Variants in EDIL3 observed in about 807,000 individuals in gnomAD.
EDIL3 encodes the protein EGF like and discoidin domains 3.
Under a neutral mutation model 67.4 loss-of-function variants are expected in EDIL3, and 37 were observed. The observed-to-expected ratio is 0.55, with a 90% CI of 0.42 to 0.72. EDIL3 has a LOEUF of 0.72. Ranked by LOEUF, EDIL3 falls within the 30% of genes least tolerant of loss-of-function variation. The pLI, the probability that EDIL3 is intolerant of heterozygous loss-of-function variation, is 0.00. For synonymous variants in EDIL3, 195 were observed against 196.3 expected (o/e 0.99, Z 0.05); for missense variants, 527 against 586.3 (o/e 0.90, Z 1.04).
chr5:84,066,041 G>A (rs943797815), intron 7 of EDIL3, among the ~76,000 whole-genome samples: 1 of 151,516 alleles, frequency 6.6e-6, no homozygotes, highest in African/African-American at 2.4e-5. Context: ...GGTGAACCTG[G>A]GAGGCAGAGT....
chr5:84,032,021 T>C (rs1745934033), intron 9 of EDIL3, among the ~76,000 whole-genome samples: 1 of 152,230 alleles, frequency 6.6e-6, no homozygotes, highest in East Asian at 1.9e-4. Context: ...TATGGAAGAG[T>C]TTCTCAGAAA....
rs201931556 is a variant in EDIL3 at position 84,205,241 on chromosome 5, CAT to C, written c.226+24612_226+24613del. ...AAAATAAATAGTAACTTTCTAATAA[CAT>C]ATATATATATACCTATATGTTTGTA... On this transcript the variant is annotated intron_variant, in intron 3 of 10. Transcript: ENST00000296591. Among the ~76,000 whole-genome samples the C allele has an allele frequency of 4.6e-5, 7 of 151,562 alleles. No homozygotes were observed. In the South Asian group the frequency reaches 1.3e-3, roughly 27 times the overall value.
chr5:84,084,958 C>A (rs1188059392), intron 6 of EDIL3, among the ~76,000 whole-genome samples: 1 of 152,152 alleles, frequency 6.6e-6, no homozygotes, highest in Non-Finnish European at 1.5e-5. Context: ...ATTCACCTTG[C>A]ATTGTAATTT....
At chr5:84,070,844 A>C (rs943600799) in intron 6 of EDIL3, among the ~76,000 whole-genome samples, 2 of 152,148 alleles carry the variant, frequency 1.3e-5, no homozygotes, top group Non-Finnish European at 2.9e-5. Context: ...TGTAAGTGGA[A>C]ATTTGAGATC....
chr5:84,377,358 G>T (rs911886105), intron 1 of EDIL3, among the ~76,000 whole-genome samples: 1 of 150,356 alleles, frequency 6.7e-6, no homozygotes, highest in South Asian at 2.1e-4. Context: ...ACAGACCTAA[G>T]GCTCAGGCCT....
intron 1 of EDIL3, among the ~76,000 whole-genome samples, chr5:84,309,874 G>A (rs1395607068): frequency 6.6e-6 from 1 of 152,134 alleles, no homozygotes; most frequent in Non-Finnish European, 1.5e-5. Flanking sequence ...GGATGGCTGG[G>A]TCAAATGGTA....
intron 6 of EDIL3, among the ~76,000 whole-genome samples, chr5:84,088,525 T>G (rs1747110584): frequency 6.6e-6 from 1 of 152,182 alleles, no homozygotes; most frequent in Admixed American, 6.5e-5. Context: ...ACTTCTAAAA[T>G]TCAGTACTTC....
At chr5:84,235,360 TG>T (rs1408805795) in intron 2 of EDIL3, among the ~76,000 whole-genome samples, 1 of 152,148 alleles carries the variant, frequency 6.6e-6, no homozygotes, top group Non-Finnish European at 1.5e-5. Context: ...GCATAGAAAA[TG>T]CTTGAATAAT....
intron 3 of EDIL3, chr5:84,196,916 G>A (rs1743721291): frequency 6.6e-6 from 1 of 151,964 alleles, no homozygotes; most frequent in Non-Finnish European, 1.5e-5. Flanking sequence ...ACTAAGATTG[G>A]AATGATACAG....
intron 1 of EDIL3, among the ~76,000 whole-genome samples, chr5:84,257,051 C>G (rs1290556542): frequency 6.6e-6 from 1 of 152,194 alleles, no homozygotes; most frequent in African/African-American, 2.4e-5. Context: ...AGATCCCACT[C>G]TGTCCTATAA....
intron 4 of EDIL3, among the ~76,000 whole-genome samples, chr5:84,137,777 A>G (rs1935818082): frequency 6.6e-6 from 1 of 152,192 alleles, no homozygotes; most frequent in Admixed American, 6.5e-5. Context: ...AATTCATTAC[A>G]ATTCTAACTG....
chr5:84,061,897 A>G (rs568722655), intron 8 of EDIL3, among the ~76,000 whole-genome samples: 44 of 152,248 alleles, frequency 2.9e-4, no homozygotes, highest in Non-Finnish European at 4.4e-4. Context: ...AGTCTAAACT[A>G]TAAAAGAGGT....
intron 6 of EDIL3, among the ~76,000 whole-genome samples, chr5:84,090,743 C>G (rs1747150722): frequency 6.6e-6 from 1 of 151,768 alleles, no homozygotes; most frequent in Non-Finnish European, 1.5e-5. Context: ...CTCAAGAGAC[C>G]GAGACCATCC....
chr5:84,079,296 T>C (rs1440043853), intron 6 of EDIL3, among the ~76,000 whole-genome samples: 1 of 152,076 alleles, frequency 6.6e-6, no homozygotes, highest in Non-Finnish European at 1.5e-5. Flanking sequence ...TAGCAAATTA[T>C]TTGAACCCAG....
At chr5:84,376,081 G>A (rs964912324) in intron 1 of EDIL3, among the ~76,000 whole-genome samples, 5 of 152,156 alleles carry the variant, frequency 3.3e-5, no homozygotes, top group African/African-American at 1.2e-4. Flanking sequence ...AAGAGGACAA[G>A]CTCTAGATCC....
At chr5:84,285,918 G>A (rs1398864650) in intron 1 of EDIL3, among the ~76,000 whole-genome samples, 1 of 152,284 alleles carries the variant, frequency 6.6e-6, no homozygotes, top group African/African-American at 2.4e-5. Context: ...GGGGAAACAC[G>A]CAGAGCACAG....
At chr5:84,315,413 A>G (rs1276296087) in intron 1 of EDIL3, among the ~76,000 whole-genome samples, 1 of 152,222 alleles carries the variant, frequency 6.6e-6, no homozygotes, top group Non-Finnish European at 1.5e-5. Flanking sequence ...AGAGGAGATT[A>G]GCACCCAGGT....
intron 1 of EDIL3, among the ~76,000 whole-genome samples, chr5:84,356,349 T>C (rs1408968600): frequency 6.6e-6 from 1 of 152,228 alleles, no homozygotes; most frequent in African/African-American, 2.4e-5. Flanking sequence ...GCCAGGATTA[T>C]CTAAGTGGGG....
intron 6 of EDIL3, among the ~76,000 whole-genome samples, chr5:84,098,812 G>T (rs1303710371): frequency 2.6e-5 from 4 of 152,106 alleles, no homozygotes; most frequent in African/African-American, 7.2e-5. Context: ...AAGTTAGAAA[G>T]ATCTCCATTT....
Sources: allele counts gnomAD v4.1 joint callset (sites outside exome capture counted in the v4.1 genomes callset), GRCh38; gene constraint gnomAD v4.1.1; transcripts MANE v1.5; gene names NCBI Gene and HGNC (gene_info 2026-07-23, HGNC 2026-07-21).